The following CFAP20DC variants were observed in gnomAD, a reference collection of about 807,000 sequenced individuals.
CFAP20DC encodes protein CFAP20DC.
CFAP20DC carries 84 observed loss-of-function variants against 101.7 expected under a neutral mutation model. The observed-to-expected ratio is 0.83, with a 90% CI of 0.69 to 0.99. The LOEUF is 0.99. CFAP20DC is among the 50% of genes least tolerant of loss of function. The pLI is 0.00. For missense variants in CFAP20DC, 1,007 were observed against 970.3 expected, an observed-to-expected ratio of 1.04 and a Z score of -0.50; for synonymous variants, 359 against 351.2, an observed-to-expected ratio of 1.02 and a Z score of -0.25.
chr3:58,770,013 T>G (rs2070697300), intron 15 of CFAP20DC, among the ~76,000 whole-genome samples: 1 of 152,232 alleles, frequency 6.6e-6, no homozygotes, highest in South Asian at 2.1e-4. Flanking sequence ...TATACTCTAT[T>G]AAATATACTT....
At chr3:59,044,967 G>A (rs1699725866) in intron 3 of CFAP20DC, among the ~76,000 whole-genome samples, 1 of 148,586 alleles carries the variant, frequency 6.7e-6, no homozygotes, top group Non-Finnish European at 1.5e-5. Context: ...ATATGGAAAT[G>A]CAAAAAACCT....
At chr3:58,860,270 C>T (rs1249759886) in intron 12 of CFAP20DC, among the ~76,000 whole-genome samples, 1 of 151,006 alleles carries the variant, frequency 6.6e-6, no homozygotes, top group Non-Finnish European at 1.5e-5. Context: ...GAAATATATG[C>T]TAACAAAAAG....
rs111434353 is a variant in CFAP20DC, at chr3:58,745,310, T to G, written c.2333-2738A>C. ...TGAATAAAGTTAGTTTATCAATTAG[T>G]ATCTGCTATGTGATTGAGCTGGGCA... On this transcript the variant is annotated intron_variant, in intron 16 of 16. Transcript: ENST00000482387. 9.8e-3 allele frequency among the ~76,000 whole-genome samples: 1,487 copies of G among 152,322 alleles called. 26 individuals carry two copies. Among genetic ancestry groups the G allele is most frequent in the African/African-American group, 0.034 (1,400 of 41,572 alleles).
At chr3:58,871,415 G>A (rs1363487884) in intron 7 of CFAP20DC, among the ~76,000 whole-genome samples, 3 of 152,126 alleles carry the variant, frequency 2.0e-5, no homozygotes, top group Non-Finnish European at 1.5e-5. Context: ...TCACCTTCAG[G>A]ATAGGGCAGG....
chr3:58,955,108 G>A (rs2090504201), intron 4 of CFAP20DC, among the ~76,000 whole-genome samples: 1 of 151,874 alleles, frequency 6.6e-6, no homozygotes, highest in Non-Finnish European at 1.5e-5. Flanking sequence ...CATCACCAGA[G>A]TCCAACTGTA....
intron 12 of CFAP20DC, among the ~76,000 whole-genome samples, chr3:58,856,401 G>A (rs1467467194): frequency 1.3e-5 from 2 of 151,898 alleles, no homozygotes; most frequent in Non-Finnish European, 1.5e-5. Context: ...TCTGTGGGCC[G>A]TTACTTTGTG....
chr3:59,015,572 G>T lies in CFAP20DC; in HGVS notation c.278+23985C>A, dbSNP rs930125682. 6.6e-6 allele frequency among the ~76,000 whole-genome samples: 1 copy of T among 151,868 alleles called. No homozygotes were observed. ...GGAAAGAGGAAGGAGGAGGGTTGGA[G>T]GGTGGAGGAGGAAGAAGGGCTATAG... On this transcript the variant is annotated intron_variant, in intron 4 of 16. Transcript: ENST00000482387. This position sits in a 1 kb window ranked among gnomAD's most constrained non-coding sequence, Gnocchi z 5.4.
intron 16 of CFAP20DC, among the ~76,000 whole-genome samples, chr3:58,747,737 G>A (rs917858141): frequency 1.3e-5 from 2 of 152,178 alleles, no homozygotes; most frequent in Non-Finnish European, 2.9e-5. Flanking sequence ...TTTCTGCTGA[G>A]TACTGGGTGC....
At position 58,999,222 on chromosome 3, in the gene CFAP20DC, T is replaced by C. The variant is rs147375288; in HGVS notation, c.278+40335A>G. Among the ~76,000 whole-genome samples the C allele has an allele frequency of 2.1e-3, 320 of 152,326 alleles. 2 individuals carry two copies. The highest frequency in any genetic ancestry group is 6.8e-3 in the African/African-American group (283 of 41,572). On this transcript the variant is annotated intron_variant, in intron 4 of 16. Transcript: ENST00000482387. ...ACTTGAACAAGGTCAGTGGAACATA[T>C]GCTTTATGTGGTGGAAAATTAGAAG... is the stretch of plus-strand genomic sequence containing the variant.
chr3:58,838,161 C>G (rs1216709287), intron 13 of CFAP20DC, among the ~76,000 whole-genome samples: 1 of 152,148 alleles, frequency 6.6e-6, no homozygotes, highest in Non-Finnish European at 1.5e-5. Context: ...GCACGTGTCT[C>G]TACCATGCAA....
At chr3:58,852,742 C>G (rs1396968207) in intron 12 of CFAP20DC, among the ~76,000 whole-genome samples, 2 of 151,308 alleles carry the variant, frequency 1.3e-5, no homozygotes, top group African/African-American at 4.9e-5. Context: ...CTACTGGGTA[C>G]ATAACGAAAT....
intron 15 of CFAP20DC, among the ~76,000 whole-genome samples, chr3:58,770,784 C>CATTGCCCA: frequency 6.6e-6 from 1 of 152,128 alleles, no homozygotes; most frequent in African/African-American, 2.4e-5. Flanking sequence ...TTTGAGAAAG[C>CATTGCCCA]TCACAGTGGC....
chr3:58,944,311 AG>A (rs1306188137), intron 4 of CFAP20DC, among the ~76,000 whole-genome samples: 9 of 152,230 alleles, frequency 5.9e-5, no homozygotes, highest in Admixed American at 5.9e-4. Flanking sequence ...AAAAATGTTA[AG>A]GGCAGCCAGA....
chr3:58,966,883 G>A (rs990283835), intron 4 of CFAP20DC, among the ~76,000 whole-genome samples: 1 of 152,082 alleles, frequency 6.6e-6, no homozygotes, highest in African/African-American at 2.4e-5. Context: ...TTAATGGACT[G>A]GAAGACAATA....
intron 15 of CFAP20DC, among the ~76,000 whole-genome samples, chr3:58,765,752 C>T (rs1171019143): frequency 1.3e-5 from 2 of 152,058 alleles, no homozygotes; most frequent in African/African-American, 4.8e-5. Context: ...TAACAATTTG[C>T]AGCAATGTCT....
intron 4 of CFAP20DC, among the ~76,000 whole-genome samples, chr3:59,009,813 C>G (rs1472781833): frequency 6.6e-6 from 1 of 152,040 alleles, no homozygotes; most frequent in Non-Finnish European, 1.5e-5. Flanking sequence ...ATCTTAAGAG[C>G]TGTGAAACAA....
At position 58,806,379 on chromosome 3, in the gene CFAP20DC, T is replaced by C. The variant is rs1488361096; in HGVS notation, c.2237+16A>G. The C allele has an allele frequency of 1.3e-6, 2 of 1,529,644 alleles. No individual in the cohort carries two copies. Among genetic ancestry groups the C allele is most frequent in the Non-Finnish European group, 1.8e-6 (2 of 1,103,426 alleles). The allele number at this position is 1,529,644 out of a possible 1,614,324, so 94.8% of individuals were successfully genotyped here. A position where few individuals can be genotyped will look rare whatever the true frequency, so the allele number is the denominator to read the frequency against. ...GTTTTTTTTTTTCTTAAATGTAGAT[T>C]ATTAATGATTCTTACCGGGGATTAG... is the stretch of plus-strand genomic sequence containing the variant. On this transcript the variant is annotated intron_variant, in intron 15 of 16. Coordinates refer to ENST00000482387, the MANE Select transcript of CFAP20DC (RefSeq NM_001394063.1).
At chr3:58,746,080 T>C in intron 16 of CFAP20DC, among the ~76,000 whole-genome samples, 1 of 152,178 alleles carries the variant, frequency 6.6e-6, no homozygotes, top group South Asian at 2.1e-4. Flanking sequence ...TCAATCTGTT[T>C]GATTTTTTTT....
rs1477128725 is a variant in CFAP20DC at position 58,717,613 on chromosome 3, C to T, written c.215G>A (p.Ser72Asn). Reference sequence around the variant, plus strand: ...TCACAGTTGCAAAATGGCTGTAGCACTTCCAGACATTTCTTCTGCATTTCA... The same window carrying T: ...TCACAGTTGCAAAATGGCTGTAGCATTTCCAGACATTTCTTCTGCATTTCA... Residue 72 changes from serine to asparagine, a missense_variant, in exon 4 of 4, where the codon AGT becomes AAT. Transcript: ENST00000486145. The surrounding 1 kb of genome is among the most constrained non-coding windows in gnomAD (Gnocchi z 4.1). The T allele has an allele frequency of 2.2e-6, 1 of 452,110 alleles. No homozygotes were observed. Among genetic ancestry groups the T allele is most frequent in the Non-Finnish European group, 4.4e-6 (1 of 225,872 alleles). 28.0% of individuals were successfully genotyped at this position (452,110 alleles called of 1,614,324 possible).
Sources: allele counts gnomAD v4.1 joint callset (sites outside exome capture counted in the v4.1 genomes callset), GRCh38; gene constraint gnomAD v4.1.1; non-coding constraint Gnocchi (gnomAD v3.1); transcripts MANE v1.5; gene names NCBI Gene and HGNC (gene_info 2026-07-23, HGNC 2026-07-21).